The following SORCS1 variants were observed in gnomAD, a reference collection of about 807,000 sequenced individuals.
The protein encoded by SORCS1 is sortilin related VPS10 domain containing receptor 1, also known as VPS10 domain-containing receptor SorCS1.
A neutral mutation model predicts 146.1 loss-of-function variants in SORCS1; 60 were observed. That is an observed-to-expected ratio of 0.41 (90% CI 0.33 to 0.51). The LOEUF (loss-of-function observed/expected upper bound fraction) is 0.51, where lower values mean the gene tolerates loss of function less well. SORCS1 is among the 20% of genes least tolerant of loss of function. The probability of loss-of-function intolerance (pLI) is 0.21; values close to 1 mark genes in which losing one functional copy is unlikely to be tolerated. For missense variants in SORCS1, 1,352 were observed against 1,487.6 expected (o/e 0.91, Z 1.50); for synonymous variants, 637 against 584.0 (o/e 1.09, Z -1.31).
intron 1 of SORCS1, among the ~76,000 whole-genome samples, chr10:106,972,286 G>A (rs2139226505): frequency 6.6e-6 from 1 of 151,146 alleles, no homozygotes. Context: ...GGAGGCTGAG[G>A]AGGAGAATCA....
At position 106,822,295 on chromosome 10, in the gene SORCS1, C is replaced by T. The variant is rs182022131; in HGVS notation, c.726+7279G>A. 2.5e-3 allele frequency among the ~76,000 whole-genome samples: 378 copies of T among 152,094 alleles called. 7 individuals are homozygous for T. The highest frequency in any genetic ancestry group is 8.5e-3 in the African/African-American group (352 of 41,470). ...ACTAATATAGAATATATGGCAATTT[C>T]GGGTATAGGTCAGTGTACAGAGAGG... is the stretch of plus-strand genomic sequence containing the variant. On this transcript the variant is annotated intron_variant, in intron 3 of 25. Coordinates refer to ENST00000263054, the MANE Select transcript of SORCS1 (RefSeq NM_052918.5).
At position 107,059,834 on chromosome 10, in the gene SORCS1, C is replaced by A. The variant is rs541749428; in HGVS notation, c.559-103254G>T. Reference sequence around the variant, plus strand: ...TGATCCACAAGCCAGAGAGTAGAGACCCTACTTTATTTTATGCTTTTGGAT... The same window carrying A: ...TGATCCACAAGCCAGAGAGTAGAGAACCTACTTTATTTTATGCTTTTGGAT... On this transcript the variant is annotated intron_variant, in intron 1 of 25. Transcript: ENST00000263054. Among the ~76,000 whole-genome samples, 3 of 151,728 alleles carry A rather than the reference C, an allele frequency of 2.0e-5. No homozygotes were observed. The South Asian group carries it at 6.3e-4, about 32-fold the overall frequency.
chr10:107,068,623 T>G (rs1962133703), intron 1 of SORCS1, among the ~76,000 whole-genome samples: 1 of 152,104 alleles, frequency 6.6e-6, no homozygotes, highest in Non-Finnish European at 1.5e-5. Context: ...TCCCACCACT[T>G]TGGGAGGCCA....
chr10:106,645,769 AT>A (rs1181897767), intron 18 of SORCS1, among the ~76,000 whole-genome samples: 1 of 152,040 alleles, frequency 6.6e-6, no homozygotes, highest in Non-Finnish European at 1.5e-5. Flanking sequence ...TAATTTTATT[AT>A]TTTATTACTG....
intron 10 of SORCS1, among the ~76,000 whole-genome samples, chr10:106,681,006 T>C (rs1243092201): frequency 6.6e-6 from 1 of 152,196 alleles, no homozygotes; most frequent in African/African-American, 2.4e-5. Flanking sequence ...CAAGGTGCAC[T>C]AATAGTAACA....
At chr10:106,858,908 A>G (rs1057371935) in intron 2 of SORCS1, among the ~76,000 whole-genome samples, 5 of 151,950 alleles carry the variant, frequency 3.3e-5, no homozygotes, top group East Asian at 1.9e-4. Context: ...TCTGTGCCCA[A>G]TGTATCCAAT....
At chr10:107,051,781 G>A (rs1960148779) in intron 1 of SORCS1, among the ~76,000 whole-genome samples, 1 of 152,180 alleles carries the variant, frequency 6.6e-6, no homozygotes, top group South Asian at 2.1e-4. Flanking sequence ...GAATTCCAGA[G>A]ATGCAGTGAG....
chr10:107,095,626 T>G (rs575034886), intron 1 of SORCS1, among the ~76,000 whole-genome samples: 1 of 152,224 alleles, frequency 6.6e-6, no homozygotes, highest in Non-Finnish European at 1.5e-5. Flanking sequence ...TATTCAGTTA[T>G]GCAGAAATAA....
intron 5 of SORCS1, among the ~76,000 whole-genome samples, chr10:106,749,542 CTAAT>C (rs1297083445): frequency 2.0e-5 from 3 of 152,170 alleles, no homozygotes; most frequent in Non-Finnish European, 1.5e-5. Context: ...TCCATTGAAA[CTAAT>C]TAAATGAGTT....
intron 1 of SORCS1, among the ~76,000 whole-genome samples, chr10:106,991,542 C>A (rs1248505081): frequency 6.6e-6 from 1 of 152,214 alleles, no homozygotes; most frequent in East Asian, 1.9e-4. Context: ...TCTACTTATG[C>A]CTGTCAGCTT....
chr10:107,098,965 T>G (rs1318575374), intron 1 of SORCS1, among the ~76,000 whole-genome samples: 1 of 152,216 alleles, frequency 6.6e-6, no homozygotes, highest in Non-Finnish European at 1.5e-5. Context: ...TAACTCTTCA[T>G]GAACAACCAA....
At chr10:106,617,438 TGC>T (rs2133465358) in intron 21 of SORCS1, among the ~76,000 whole-genome samples, 1 of 152,348 alleles carries the variant, frequency 6.6e-6, no homozygotes, top group East Asian at 1.9e-4. Flanking sequence ...TAACACTTAG[TGC>T]ATATCCATAT....
At chr10:106,835,616 T>A (rs929322208) in intron 2 of SORCS1, among the ~76,000 whole-genome samples, 3 of 152,186 alleles carry the variant, frequency 2.0e-5, no homozygotes, top group Non-Finnish European at 4.4e-5. Context: ...ACAGAGTTAA[T>A]GGTAAGAACT....
chr10:106,854,041 A>G (rs1275984265), intron 2 of SORCS1, among the ~76,000 whole-genome samples: 3 of 151,714 alleles, frequency 2.0e-5, no homozygotes, highest in Non-Finnish European at 4.4e-5. Flanking sequence ...CATTTTTGAA[A>G]GACGATGTTA....
At chr10:106,750,230 G>T (rs371423882) in intron 5 of SORCS1, among the ~76,000 whole-genome samples, 1 of 152,172 alleles carries the variant, frequency 6.6e-6, no homozygotes, top group East Asian at 1.9e-4. Flanking sequence ...GGAATTCTTA[G>T]TGAAGTCTCG....
chr10:107,179,904 CTTTTTTTTT>C, the SORCS1 span, among the ~76,000 whole-genome samples: 10 of 51,280 alleles, frequency 2.0e-4, no homozygotes, highest in South Asian at 1.3e-3. Flanking sequence ...ACAAAACAGA[CTTTTTTTTT>C]TTTTTTTTTT....
intron 1 of SORCS1, among the ~76,000 whole-genome samples, chr10:106,974,583 G>A (rs1339625566): frequency 6.6e-6 from 1 of 152,180 alleles, no homozygotes; most frequent in South Asian, 2.1e-4. Flanking sequence ...TCTAGAGGCT[G>A]TGGCCCCTGG....
intron 1 of SORCS1, among the ~76,000 whole-genome samples, chr10:107,038,696 CG>C (rs58516423): frequency 2.0e-5 from 3 of 149,886 alleles, no homozygotes; most frequent in Admixed American, 6.7e-5. Context: ...GGGCAGGGGG[CG>C]GGGGGGGAGG....
intron 2 of SORCS1, among the ~76,000 whole-genome samples, chr10:106,834,904 C>T (rs558028319): frequency 6.6e-6 from 1 of 152,326 alleles, no homozygotes; most frequent in Non-Finnish European, 1.5e-5. Flanking sequence ...AAAAGCTTAA[C>T]AAAATAAGCA....
Sources: gnomAD v4.1 joint callset for allele counts (sites outside exome capture counted in the v4.1 genomes callset) on GRCh38, gnomAD v4.1.1 for gene constraint, MANE v1.5 for transcripts, NCBI Gene and HGNC (gene_info 2026-07-23, HGNC 2026-07-21) for gene names.